The following ANKRD30A variants were observed in gnomAD, a reference collection of about 807,000 sequenced individuals.
ANKRD30A encodes ankyrin repeat domain 30A, also known as ankyrin repeat domain-containing protein 30A.
Under a neutral mutation model 166.3 loss-of-function variants are expected in ANKRD30A, and 170 were observed. That is an observed-to-expected ratio of 1.02 (90% CI 0.90 to 1.16). The LOEUF (loss-of-function observed/expected upper bound fraction) is 1.16. ANKRD30A is among the 50% of genes most tolerant of loss of function. The probability of loss-of-function intolerance (pLI) is 0.00; values close to 1 mark genes in which losing one functional copy is unlikely to be tolerated. For synonymous variants in ANKRD30A, 564 were observed against 508.9 expected, an observed-to-expected ratio of 1.11 and a Z score of -1.46; for missense variants, 1,630 against 1,518.0, an observed-to-expected ratio of 1.07 and a Z score of -1.23.
At chr10:37,200,132 T>C (rs1277457837) in intron 30 of ANKRD30A, among the ~76,000 whole-genome samples, 1 of 152,066 alleles carries the variant, frequency 6.6e-6, no homozygotes, top group Non-Finnish European at 1.5e-5. Flanking sequence ...TTCTGTCTTA[T>C]ATCTAGATGT....
intron 25 of ANKRD30A, among the ~76,000 whole-genome samples, chr10:37,190,635 A>G (rs969377332): frequency 4.6e-5 from 7 of 151,734 alleles, no homozygotes; most frequent in Non-Finnish European, 1.5e-5. Context: ...ATCCAGCTAG[A>G]TGATTTTGGA....
At chr10:37,162,598 T>C (rs1312492747) in intron 15 of ANKRD30A, 51 bp from the exon 16 acceptor site, 2 of 1,605,094 alleles carry the variant, frequency 1.2e-6, no homozygotes, top group Non-Finnish European at 1.7e-6. Flanking sequence ...CATTTGTGGT[T>C]GGCTTGTCAT....
Position 37,132,251 on chromosome 10 carries a change from AC to A in ANKRD30A, c.524del (p.Pro175HisfsTer6). ...TTGCTATTTTACAGGCTAGCCTCAC[AC>A]CACTTTTACTATCCATAACGAAAAG... Reference protein sequence around the residue: ...IEVHNKASLTPLLLSITKRSE... With the variant: ...IEVHNKASLTXLLLSITKRSE... On this transcript the variant is annotated frameshift_variant, in exon 4 of 36. Transcript: ENST00000361713. LOFTEE classifies it high-confidence loss of function. 6.3e-7 allele frequency: 1 copy of A among 1,588,810 alleles called. No individual in the cohort carries two copies. Among genetic ancestry groups the A allele is most frequent in the South Asian group, 1.2e-5 (1 of 84,230 alleles).
At chr10:37,192,883 G>C (rs1344227179) in intron 25 of ANKRD30A, among the ~76,000 whole-genome samples, 181 bp from the exon 26 acceptor site, 1 of 151,888 alleles carries the variant, frequency 6.6e-6, no homozygotes, top group Non-Finnish European at 1.5e-5. Flanking sequence ...AATTGTCTTA[G>C]GTATATTTCT....
chr10:37,224,296 A>G (rs970313405), intron 34 of ANKRD30A, among the ~76,000 whole-genome samples: 3 of 151,130 alleles, frequency 2.0e-5, no homozygotes, highest in African/African-American at 7.2e-5. Context: ...TGTCTTTGTT[A>G]TTTTTAAACA....
intron 3 of ANKRD30A, among the ~76,000 whole-genome samples, chr10:37,130,881 C>T (rs1836342788): frequency 6.6e-6 from 1 of 152,150 alleles, no homozygotes; most frequent in Admixed American, 6.6e-5. Flanking sequence ...CTCAGCTTAC[C>T]TCTTTTGCCT....
intron 34 of ANKRD30A, among the ~76,000 whole-genome samples, chr10:37,220,790 T>A (rs1484507266): frequency 2.0e-5 from 3 of 151,188 alleles, no homozygotes; most frequent in Non-Finnish European, 4.4e-5. Flanking sequence ...GCAGGGTTCA[T>A]GTATAGTACA....
At chr10:37,190,188 T>C (rs918566235) in intron 25 of ANKRD30A, among the ~76,000 whole-genome samples, 1 of 151,876 alleles carries the variant, frequency 6.6e-6, no homozygotes, top group African/African-American at 2.4e-5. Context: ...TTTCAAACTT[T>C]AGAAAGTCAG....
At chr10:37,238,979 T>C in the ANKRD30A span, among the ~76,000 whole-genome samples, 7 of 152,118 alleles carry the variant, frequency 4.6e-5, no homozygotes, top group East Asian at 1.2e-3. Context: ...TGTCCGAAAA[T>C]GGTGAAGGCT....
At chr10:37,194,960 G>A (rs1349040173) in intron 27 of ANKRD30A, among the ~76,000 whole-genome samples, 2 of 152,108 alleles carry the variant, frequency 1.3e-5, no homozygotes, top group Non-Finnish European at 2.9e-5. Flanking sequence ...TTTCCAATAT[G>A]CATTACAACT....
At chr10:37,261,531 T>C in the ANKRD30A span, among the ~76,000 whole-genome samples, 1 of 152,226 alleles carries the variant, frequency 6.6e-6, no homozygotes, top group Non-Finnish European at 1.5e-5. Context: ...GTTGGCATTT[T>C]ATAAAAATAG....
intron 3 of ANKRD30A, among the ~76,000 whole-genome samples, chr10:37,131,572 C>G (rs1158702393): frequency 1.3e-5 from 2 of 152,134 alleles, no homozygotes; most frequent in Non-Finnish European, 2.9e-5. Context: ...ACATTGGCAT[C>G]TGGGATCTTG....
intron 34 of ANKRD30A, among the ~76,000 whole-genome samples, chr10:37,228,310 A>C (rs1588963044): frequency 6.6e-6 from 1 of 152,018 alleles, no homozygotes; most frequent in South Asian, 2.1e-4. Context: ...TAACTTCTTC[A>C]TATAGACAAA....
intron 34 of ANKRD30A, among the ~76,000 whole-genome samples, chr10:37,228,809 A>C (rs1052087674): frequency 6.6e-6 from 1 of 152,042 alleles, no homozygotes; most frequent in South Asian, 2.1e-4. Flanking sequence ...ATTGTACTTT[A>C]AAGGTGACTA....
At chr10:37,144,026 A>G (rs1837338731) in intron 7 of ANKRD30A, among the ~76,000 whole-genome samples, 1 of 152,054 alleles carries the variant, frequency 6.6e-6, no homozygotes, top group Non-Finnish European at 1.5e-5. Context: ...TACACATTTA[A>G]ATACGTAGGT....
chr10:37,196,593 T>G (rs1370213556), intron 27 of ANKRD30A, among the ~76,000 whole-genome samples: 3 of 152,154 alleles, frequency 2.0e-5, no homozygotes, highest in Non-Finnish European at 4.4e-5. Flanking sequence ...AAAAAGTTAT[T>G]TATGTTTAAT....
At chr10:37,136,742 G>A in intron 6 of ANKRD30A, 71 bp downstream of exon 6, 2 of 914,384 alleles carry the variant, frequency 2.2e-6, no homozygotes, top group Non-Finnish European at 3.2e-6. Flanking sequence ...ATCACAAAAA[G>A]GTAATTCAAA....
At chr10:37,133,327 C>A (rs1297384606) in intron 4 of ANKRD30A, among the ~76,000 whole-genome samples, 1 of 152,136 alleles carries the variant, frequency 6.6e-6, no homozygotes, top group Admixed American at 6.5e-5. Flanking sequence ...TAATTTCTAG[C>A]TTCCTCACTT....
chr10:37,152,267 A>G, intron 12 of ANKRD30A, 146 bp downstream of exon 12: 1 of 687,164 alleles, frequency 1.5e-6, no homozygotes, highest in Non-Finnish European at 2.4e-6. Flanking sequence ...TTAATGGAGA[A>G]TCTATGTGCT....
Sources: allele counts gnomAD v4.1 joint callset (sites outside exome capture counted in the v4.1 genomes callset), GRCh38; gene constraint gnomAD v4.1.1; transcripts MANE v1.5; gene names NCBI Gene and HGNC (gene_info 2026-07-23, HGNC 2026-07-21).